Variants in ASCC2 observed in about 807,000 individuals in gnomAD.
ASCC2 encodes the protein activating signal cointegrator 1 complex subunit 2, also known as ASC-1 complex subunit P100.
Under a neutral mutation model 93.5 loss-of-function variants are expected in ASCC2, and 42 were observed. The ratio of observed to expected loss-of-function variants is 0.45; its 90% CI spans 0.35 to 0.58. ASCC2 has a LOEUF of 0.58. Ranked by LOEUF, ASCC2 falls within the 20% of genes least tolerant of loss-of-function variation. The pLI is 0.00. For synonymous variants in ASCC2, 364 were observed against 384.2 expected (o/e 0.95, Z 0.62); for missense variants, 859 against 977.6 (o/e 0.88, Z 1.62).
chr22:29,828,880 T>C (rs1306361708), intron 2 of ASCC2, among the ~76,000 whole-genome samples: 5 of 152,194 alleles, frequency 3.3e-5, no homozygotes, highest in Non-Finnish European at 7.3e-5. Flanking sequence ...TACGTTTTAA[T>C]TTTTAAAATG....
At chr22:29,827,757 G>A (rs539427151) in intron 2 of ASCC2, among the ~76,000 whole-genome samples, 138 of 100,984 alleles carry the variant, frequency 1.4e-3, no homozygotes, top group African/African-American at 5.0e-3. Context: ...TCATTCTCCC[G>A]ACACACACAC....
At position 29,793,265 on chromosome 22, in the gene ASCC2, T is replaced by G. The variant is rs1001583482; in HGVS notation, c.1919+95A>C. Reference sequence around the variant, plus strand: ...AGTCAGGAGGACTGGGTTTGGGCCCTGGATCTGCCACATCTGTGTAAACAA... The same window carrying G: ...AGTCAGGAGGACTGGGTTTGGGCCCGGGATCTGCCACATCTGTGTAAACAA... On this transcript the variant is annotated intron_variant, in intron 17 of 19. Transcript: ENST00000307790. The G allele has an allele frequency of 1.9e-6, 3 of 1,549,354 alleles. No individual in the cohort carries two copies. In the African/African-American group the frequency reaches 4.1e-5, roughly 21 times the overall value.
At chr22:29,822,178 G>A in intron 5 of ASCC2, 157 bp downstream of exon 5, 2 of 885,996 alleles carry the variant, frequency 2.3e-6, no homozygotes, top group Non-Finnish European at 3.5e-6. Flanking sequence ...TAGTCATTTT[G>A]AGGTGACACT....
intron 9 of ASCC2, 95 bp downstream of exon 9, chr22:29,808,016 T>C (rs2059879190): frequency 7.8e-7 from 1 of 1,286,192 alleles, no homozygotes; most frequent in Non-Finnish European, 1.1e-6. Context: ...CACCCACTTG[T>C]CTTAGAGATA....
chr22:29,789,423 G>T (rs1006506453), intron 19 of ASCC2, among the ~76,000 whole-genome samples: 6 of 152,218 alleles, frequency 3.9e-5, no homozygotes, highest in Admixed American at 3.3e-4. Context: ...TCCGCCCATT[G>T]CTACGTGTAG....
intron 5 of ASCC2, among the ~76,000 whole-genome samples, chr22:29,818,771 C>T (rs2061204008): frequency 6.6e-6 from 1 of 152,154 alleles, no homozygotes; most frequent in Non-Finnish European, 1.5e-5. Flanking sequence ...AGCCATCTTA[C>T]ACCCAATAGG....
chr22:29,834,419 A>T (rs1053012127), intron 1 of ASCC2: 2 of 462,920 alleles, frequency 4.3e-6, no homozygotes, highest in Admixed American at 2.5e-5. Context: ...CTGGCCTGTT[A>T]TAAAGACTGT....
Position 29,804,786 on chromosome 22 carries a change from G to A in ASCC2, c.1205C>T (p.Ala402Val). 2 of 1,614,094 alleles carry A rather than the reference G, an allele frequency of 1.2e-6. No homozygotes were observed. The highest frequency in any genetic ancestry group is 1.7e-6 in the Non-Finnish European group (2 of 1,180,018). ...TAYILQAVES[A>V]WEGVDRRKAT... Reference sequence around the variant, plus strand: ...TTTCCGTCTGTCCACCCCTTCCCATGCACTCTCGACTGCCTGGAGGATGTA... The same window carrying A: ...TTTCCGTCTGTCCACCCCTTCCCATACACTCTCGACTGCCTGGAGGATGTA... The change falls in exon 13 of 20, where the codon GCA becomes GTA. Residue 402 changes from alanine to valine, a missense_variant. Ala to Val is a moderately conservative substitution (Grantham distance 64). Transcript: ENST00000307790.
intron 2 of ASCC2, among the ~76,000 whole-genome samples, chr22:29,830,114 T>C (rs2062940598): frequency 6.6e-6 from 1 of 152,118 alleles, no homozygotes. Flanking sequence ...ATACCCCCAA[T>C]TTAGTGCTGC....
chr22:29,825,869 G>C lies in ASCC2; in HGVS notation c.82-89C>G, dbSNP rs1185510120. On this transcript the variant is annotated intron_variant, in intron 2 of 19. Transcript: ENST00000307790. This position sits in a 1 kb window ranked among gnomAD's most constrained non-coding sequence, Gnocchi z 4.9. The stretch of plus-strand genomic sequence containing the variant: ...CCCACAGCAATGACAACACTTGGCT[G>C]TTCCAACCGGTGACCCTCCAAGGAG... 8 of 1,454,624 alleles carry C rather than the reference G, an allele frequency of 5.5e-6. No homozygotes were observed. The highest frequency in any genetic ancestry group is 6.5e-6 in the Non-Finnish European group (7 of 1,074,132). 90.1% of individuals were successfully genotyped at this position (1,454,624 alleles called of 1,614,324 possible).
At chr22:29,832,513 C>CT (rs900576104) in intron 1 of ASCC2, 171 bp from the exon 2 acceptor site, 46 of 514,868 alleles carry the variant, frequency 8.9e-5, no homozygotes, top group East Asian at 5.7e-4. Context: ...GCCAAAGTGA[C>CT]TTTTTTTGCA....
intron 2 of ASCC2, chr22:29,826,002 C>T (rs1028704892): frequency 3.5e-5 from 17 of 479,072 alleles, no homozygotes; most frequent in East Asian, 2.4e-4. Context: ...TTTAATGACA[C>T]GGGGAAAGGT....
intron 14 of ASCC2, 30 bp from the exon 15 acceptor site, chr22:29,801,140 G>A (rs1170841405): frequency 6.4e-7 from 1 of 1,569,436 alleles, no homozygotes; most frequent in African/African-American, 1.4e-5. Context: ...ATCAATTTAA[G>A]GGGGCCCTGC....
rs886420155 is a variant in ASCC2 at position 29,789,970 on chromosome 22, G to A, written c.2102+499C>T. Among the ~76,000 whole-genome samples, 6 of 152,096 alleles carry A rather than the reference G, an allele frequency of 3.9e-5. No individual in the cohort carries two copies. In the South Asian group the frequency reaches 8.3e-4, roughly 21 times the overall value. On this transcript the variant is annotated intron_variant, in intron 19 of 19. Transcript: ENST00000307790. The stretch of plus-strand genomic sequence containing the variant: ...CCTCGAAGATCCCTCTCCTGACCAC[G>A]CCTGCTTTCTTACTTTTCTGCCCTC...
chr22:29,802,315 T>C, intron 13 of ASCC2, 107 bp from the exon 14 acceptor site: 1 of 1,096,332 alleles, frequency 9.1e-7, no homozygotes, highest in Admixed American at 2.3e-5. Flanking sequence ...GTTCAAGTCC[T>C]GGGATTACCC....
At chr22:29,790,136 T>A (rs1313877079) in intron 19 of ASCC2, among the ~76,000 whole-genome samples, 2 of 152,198 alleles carry the variant, frequency 1.3e-5, no homozygotes, top group Non-Finnish European at 2.9e-5. Context: ...TGATATCAGC[T>A]AGCCCTGGAC....
intron 2 of ASCC2, among the ~76,000 whole-genome samples, chr22:29,829,461 G>A (rs1010352766): frequency 6.6e-6 from 1 of 152,098 alleles, no homozygotes; most frequent in Admixed American, 6.5e-5. Context: ...GGTGGCTCAC[G>A]CCTGTAATCC....
At chr22:29,805,716 C>A (rs1034619355) in intron 12 of ASCC2, among the ~76,000 whole-genome samples, 2 of 152,106 alleles carry the variant, frequency 1.3e-5, no homozygotes, top group African/African-American at 4.8e-5. Context: ...AGCCTGTTTT[C>A]TCTGTCCTCT....
In ASCC2 at chr22:29,792,456, C is replaced by A. The variant is rs766214866; in HGVS notation, c.1999G>T (p.Asp667Tyr). 1.2e-6 allele frequency: 2 copies of A among 1,613,980 alleles called. No individual in the cohort carries two copies. Among genetic ancestry groups the A allele is most frequent in the East Asian group, 4.5e-5 (2 of 44,860 alleles). The change falls in exon 18 of 20, where the codon GAT (aspartate) becomes TAT (tyrosine). Residue 667 changes from aspartate to tyrosine, a missense_variant. By Grantham distance (160) the Asp-to-Tyr change is radical. Transcript: ENST00000307790. ...ACCTTGGGAGCCTCCTCGTCAGCAT[C>A]GTCTTCCTCATCGTCGTCATCCTCC... ...QEEDDDDEEDDADEEAPKPDH... is the reference protein window; with the variant it reads ...QEEDDDDEEDYADEEAPKPDH...
Sources: gnomAD v4.1 joint callset for allele counts (sites outside exome capture counted in the v4.1 genomes callset) on GRCh38, gnomAD v4.1.1 for gene constraint, Gnocchi (gnomAD v3.1) non-coding constraint, MANE v1.5 for transcripts, NCBI Gene and HGNC (gene_info 2026-07-23, HGNC 2026-07-21) for gene names.